The following SOS2 variants were observed in gnomAD, a reference collection of about 807,000 sequenced individuals.
SOS2 encodes son of sevenless homolog 2.
A neutral mutation model predicts 148.2 loss-of-function variants in SOS2; 65 were observed. The ratio of observed to expected loss-of-function variants is 0.44; its 90% CI spans 0.36 to 0.54. The LOEUF (loss-of-function observed/expected upper bound fraction) is 0.54. Among genes scored for constraint, SOS2 ranks in the 20% least tolerant of loss-of-function variants. The pLI, the probability that SOS2 is intolerant of heterozygous loss-of-function variation, is 0.00. For missense variants in SOS2, 1,341 were observed against 1,590.2 expected (o/e 0.84, Z 2.67); for synonymous variants, 539 against 537.1 (o/e 1.00, Z -0.05).
intron 1 of SOS2, among the ~76,000 whole-genome samples, chr14:50,208,758 T>C (rs1240879135): frequency 6.6e-6 from 1 of 152,258 alleles, no homozygotes; most frequent in East Asian, 1.9e-4. Context: ...TTTTCTATTA[T>C]CATTTCTATT....
At chr14:50,162,680 T>C (rs1323804771) in intron 8 of SOS2, among the ~76,000 whole-genome samples, 1 of 152,174 alleles carries the variant, frequency 6.6e-6, no homozygotes, top group East Asian at 1.9e-4. Flanking sequence ...CTCAAAGGAT[T>C]CCACTGCTAT....
At chr14:50,170,099 T>A (rs1444981475) in intron 8 of SOS2, among the ~76,000 whole-genome samples, 2 of 146,628 alleles carry the variant, frequency 1.4e-5, no homozygotes, top group African/African-American at 5.0e-5. Flanking sequence ...CTAATCTGAT[T>A]TTTTTTTTTT....
chr14:50,198,703 T>C (rs4900998), intron 4 of SOS2, among the ~76,000 whole-genome samples: 131,748 of 152,256 alleles, frequency 0.87, 57,103 homozygotes, highest in East Asian at 0.91. Flanking sequence ...CTCTGTAGTC[T>C]TTCTGGCCTC....
chr14:50,127,592 A>C (rs1370961215), intron 21 of SOS2, among the ~76,000 whole-genome samples: 1 of 152,254 alleles, frequency 6.6e-6, no homozygotes, highest in African/African-American at 2.4e-5. Flanking sequence ...CCAGTGGAGC[A>C]GAGTTGCTTA....
chr14:50,162,631 C>G (rs1163410452), intron 8 of SOS2, among the ~76,000 whole-genome samples: 1 of 152,124 alleles, frequency 6.6e-6, no homozygotes, highest in Non-Finnish European at 1.5e-5. Flanking sequence ...TAACTTTTAA[C>G]ACTTCAATCT....
intron 5 of SOS2, among the ~76,000 whole-genome samples, chr14:50,186,379 A>T (rs900647850): frequency 3.3e-5 from 5 of 152,206 alleles, no homozygotes; most frequent in African/African-American, 4.8e-5. Context: ...ATTAGCTGCC[A>T]GCATTTATTA....
intron 8 of SOS2, among the ~76,000 whole-genome samples, chr14:50,165,912 AAT>A (rs1885148714): frequency 6.6e-6 from 1 of 152,232 alleles, no homozygotes; most frequent in Non-Finnish European, 1.5e-5. Flanking sequence ...TAATTTGCCC[AAT>A]ATAAATAGGA....
In SOS2 at chr14:50,204,734, T is replaced by TG. The variant is rs544824826; in HGVS notation, c.88-326dup. Among the ~76,000 whole-genome samples, 41 of 152,222 alleles carry TG rather than the reference T, an allele frequency of 2.7e-4. 1 individual carries two copies. In the East Asian group the frequency reaches 7.5e-3, roughly 28 times the overall value. Reference sequence around the variant, plus strand: ...ATACCCTGAAGTCAATAAACCTACTTGAAGTCTACGCAGGTCATGAATCCC... The same window carrying TG: ...ATACCCTGAAGTCAATAAACCTACTTGGAAGTCTACGCAGGTCATGAATCCC... On this transcript the variant is annotated intron_variant, in intron 1 of 22. Coordinates refer to ENST00000216373, the MANE Select transcript of SOS2 (RefSeq NM_006939.4).
In SOS2 at chr14:50,204,371, T is replaced by C. The variant is rs753806064; in HGVS notation, c.126A>G (p.Glu42=). 1.9e-6 allele frequency: 3 copies of C among 1,588,442 alleles called. No homozygotes were observed. The highest frequency in any genetic ancestry group is 4.5e-5 in the East Asian group (2 of 44,570). ...GCTCTTCAATATAATAGAGAGACTC[T>C]TCATTAGCTGAGAGAGTGGGATGCA... ...EQVHPTLSAN[E]ESLYYIEELI... is the part of the protein sequence containing the mutation. The change falls in exon 2 of 23, where the codon GAA becomes GAG. Residue 42 remains glutamate (E), a synonymous_variant. Coordinates refer to ENST00000216373, the MANE Select transcript of SOS2 (RefSeq NM_006939.4).
rs577622341 is a variant in SOS2 at position 50,157,049 on chromosome 14, A to T, written c.2007T>A (p.Ser669Arg). ...CCTTGCGAAATCTTTTAAGGTCTGC[A>T]CTGATTGGCTGCTCGCCTTTCTCTA... ...LAIEKGEQPI[S>R]ADLKRFRKEY... Residue 669 changes from serine (S) to arginine (R), a missense_variant, in exon 12 of 23, where the codon AGT (serine) becomes AGA (arginine). This residue lies in a region of SOS2 where 408 missense variants were observed against 506.6 expected (regional missense o/e 0.81). Coordinates refer to ENST00000216373, the MANE Select transcript of SOS2 (RefSeq NM_006939.4). 2.5e-6 allele frequency: 4 copies of T among 1,612,782 alleles called. No individual in the cohort carries two copies. In the African/African-American group the frequency reaches 5.3e-5, roughly 21 times the overall value.
intron 7 of SOS2, among the ~76,000 whole-genome samples, chr14:50,176,996 C>A (rs574998356): frequency 1.3e-5 from 2 of 151,874 alleles, no homozygotes; most frequent in Admixed American, 6.6e-5. Flanking sequence ...GGTGAAAGAG[C>A]GAGATTCCGC....
chr14:50,223,447 G>A (rs1887257866), intron 1 of SOS2, among the ~76,000 whole-genome samples: 1 of 152,108 alleles, frequency 6.6e-6, no homozygotes, highest in African/African-American at 2.4e-5. Flanking sequence ...GGCCGGGGCG[G>A]GCAGGTGACG....
At chr14:50,178,571 C>T (rs1885603029) in intron 7 of SOS2, among the ~76,000 whole-genome samples, 1 of 151,212 alleles carries the variant, frequency 6.6e-6, no homozygotes, top group South Asian at 2.1e-4. Context: ...TCAAGTGATC[C>T]TCCTGCCTCC....
chr14:50,172,526 A>C (rs1483363047), intron 8 of SOS2, among the ~76,000 whole-genome samples: 1 of 145,934 alleles, frequency 6.9e-6, no homozygotes, highest in Non-Finnish European at 1.5e-5. Context: ...ACCCCTAGCT[A>C]ATTTTTGTAT....
rs181870400 is a variant in SOS2, at chr14:50,133,348, C to T, written c.3075+775G>A. Among the ~76,000 whole-genome samples the T allele has an allele frequency of 1.4e-4, 20 of 145,932 alleles. No individual in the cohort carries two copies. In the East Asian group the frequency reaches 3.3e-3, roughly 24 times the overall value. On this transcript the variant is annotated intron_variant, in intron 19 of 22. Coordinates refer to ENST00000216373, the MANE Select transcript of SOS2 (RefSeq NM_006939.4). Reference sequence around the variant, plus strand: ...TGCAACCTCCGCCCCCAGGCGTGCACCACCATGCCTGGCTAATTTTTTTGT... The same window carrying T: ...TGCAACCTCCGCCCCCAGGCGTGCATCACCATGCCTGGCTAATTTTTTTGT...
chr14:50,139,114 T>G (rs1230089335), intron 17 of SOS2, among the ~76,000 whole-genome samples: 3 of 152,206 alleles, frequency 2.0e-5, no homozygotes, highest in African/African-American at 4.8e-5. Context: ...GACCAAATAT[T>G]TTAATATTTG....
At position 50,221,831 on chromosome 14, in the gene SOS2, T is replaced by TTAA. The variant is rs200318427; in HGVS notation, c.87+9363_87+9365dup. ...CCAGCCTGGGTGACAGAATGAGACT[T>TTAA]TAATAATAATAATAATAATAATTCA... On this transcript the variant is annotated intron_variant, in intron 1 of 22. Transcript: ENST00000216373. Among the ~76,000 whole-genome samples the TTAA allele has an allele frequency of 6.1e-3, 933 of 151,796 alleles. 5 individuals are homozygous for TTAA. Among genetic ancestry groups the TTAA allele is most frequent in the African/African-American group, 0.016 (682 of 41,424 alleles).
intron 21 of SOS2, among the ~76,000 whole-genome samples, chr14:50,125,584 G>A (rs886081725): frequency 9.5e-6 from 1 of 105,516 alleles, no homozygotes; most frequent in Non-Finnish European, 1.9e-5. Context: ...AATGTATATG[G>A]AGACAGATGG....
chr14:50,178,373 T>C (rs1885596059), intron 7 of SOS2, among the ~76,000 whole-genome samples: 1 of 152,194 alleles, frequency 6.6e-6, no homozygotes, highest in African/African-American at 2.4e-5. Flanking sequence ...GTAAGTTTCC[T>C]GAGGCCTCCC....
Sources: allele counts gnomAD v4.1 joint callset (sites outside exome capture counted in the v4.1 genomes callset), GRCh38; gene constraint gnomAD v4.1.1; regional missense constraint gnomAD v4.1.1; transcripts MANE v1.5; gene names NCBI Gene and HGNC (gene_info 2026-07-23, HGNC 2026-07-21).